EBF2: variants seen among roughly 807,000 people sequenced by gnomAD.
EBF2 encodes the protein transcription factor COE2.
In EBF2, 21 loss-of-function variants were observed where a neutral mutation model predicts 72.8. That is an observed-to-expected ratio of 0.29 (90% confidence interval 0.20 to 0.42). The LOEUF (loss-of-function observed/expected upper bound fraction) is 0.42, where lower values mean the gene tolerates loss of function less well. EBF2 is among the 10% of genes least tolerant of loss of function. The pLI is 1.00. For synonymous variants in EBF2, 299 were observed against 274.2 expected (o/e 1.09, Z -0.89); for missense variants, 637 against 731.2 (o/e 0.87, Z 1.49).
rs140774549 is a variant in EBF2, at chr8:26,007,980, T to C, written c.551+25105A>G. Among the ~76,000 whole-genome samples the C allele has an allele frequency of 9.4e-3, 1,421 of 151,736 alleles. 27 individuals carry two copies. The highest frequency in any genetic ancestry group is 0.033 in the African/African-American group (1,357 of 41,348). ...ATCACTGCATAGTTTCCAAGTGAAATAGTTTTAAATGTCCTACATTTGGGC... is the reference window on the plus strand; with the variant it reads ...ATCACTGCATAGTTTCCAAGTGAAACAGTTTTAAATGTCCTACATTTGGGC... On this transcript the variant is annotated intron_variant, in intron 6 of 15. Coordinates refer to ENST00000520164, the MANE Select transcript of EBF2 (RefSeq NM_022659.4).
chr8:25,870,648 C>G (rs1326573657), intron 10 of EBF2, among the ~76,000 whole-genome samples: 2 of 152,108 alleles, frequency 1.3e-5, no homozygotes, highest in African/African-American at 4.8e-5. Context: ...TTCTCCCAAC[C>G]AGATTGCAAA....
rs117380462 is a variant in EBF2, at chr8:25,846,600, C to G, written c.1697-1960G>C. Among the ~76,000 whole-genome samples, 300 of 152,272 alleles carry G rather than the reference C, an allele frequency of 2.0e-3. 2 individuals carry two copies. The highest frequency in any genetic ancestry group is 1.8e-3 in the Non-Finnish European group (122 of 68,012). ...ACTCAGGAAGCTGAGGTAAGAGAAT[C>G]TCTTATTGAGCCCAGGAGGTCAAGG... is the stretch of plus-strand genomic sequence containing the variant. On this transcript the variant is annotated intron_variant, in intron 15 of 15. Transcript: ENST00000520164.
chr8:25,994,977 T>C (rs1804600582), intron 6 of EBF2, among the ~76,000 whole-genome samples: 1 of 152,154 alleles, frequency 6.6e-6, no homozygotes, highest in South Asian at 2.1e-4. Flanking sequence ...GAATAAAATT[T>C]CAATTCCTTG....
intron 6 of EBF2, among the ~76,000 whole-genome samples, chr8:25,920,239 T>C (rs1180146260): frequency 6.6e-6 from 1 of 152,228 alleles, no homozygotes; most frequent in East Asian, 1.9e-4. Context: ...AGATTCCTCA[T>C]ATCCCGTTTT....
At chr8:26,038,648 A>C (rs1805545550) in intron 5 of EBF2, among the ~76,000 whole-genome samples, 1 of 152,226 alleles carries the variant, frequency 6.6e-6, no homozygotes, top group African/African-American at 2.4e-5. Context: ...ACATCTCAGA[A>C]CTGTATTTTC....
chr8:25,859,344 G>A (rs1802164467), intron 13 of EBF2, among the ~76,000 whole-genome samples: 1 of 152,148 alleles, frequency 6.6e-6, no homozygotes, highest in South Asian at 2.1e-4. Flanking sequence ...CCTCTCTGGG[G>A]CCACTTGTAT....
rs191885913 is a variant in EBF2 at position 25,869,945 on chromosome 8, C to G, written c.1010-7148G>C. Among the ~76,000 whole-genome samples the G allele has an allele frequency of 1.9e-4, 29 of 152,290 alleles. 1 individual carries two copies. The highest frequency in any genetic ancestry group is 1.5e-3 in the Admixed American group (23 of 15,294). On this transcript the variant is annotated intron_variant, in intron 10 of 15. Transcript: ENST00000520164. ...GGATCTGTGTCCTGCTTCTCTAACT[C>G]CAAAGCCTGTGCTCTTAACCTTTCC... is the stretch of plus-strand genomic sequence containing the variant.
intron 3 of EBF2, 129 bp from the exon 4 acceptor site, chr8:26,040,800 C>T (rs12544694): frequency 0.26 from 380,803 of 1,471,552 alleles, 51,641 homozygotes; most frequent in African/African-American, 0.4. Context: ...ACGGTGACCT[C>T]CCAATCCCCT....
intron 7 of EBF2, among the ~76,000 whole-genome samples, chr8:25,892,317 A>G (rs1476919382): frequency 6.6e-6 from 1 of 152,202 alleles, no homozygotes; most frequent in African/African-American, 2.4e-5. Context: ...ACAGAAAGTG[A>G]AGCCTCCAAA....
At chr8:25,909,604 AATC>A (rs1266193215) in intron 6 of EBF2, among the ~76,000 whole-genome samples, 23 of 152,214 alleles carry the variant, frequency 1.5e-4, no homozygotes, top group Admixed American at 4.6e-4. Flanking sequence ...AATAAGTAGA[AATC>A]AACAATGCTT....
intron 6 of EBF2, among the ~76,000 whole-genome samples, chr8:26,018,510 A>C (rs1385038617): frequency 6.7e-6 from 1 of 150,190 alleles, no homozygotes; most frequent in African/African-American, 2.4e-5. Context: ...AAAAAAAAAA[A>C]AAAAAAAAAA....
intron 6 of EBF2, among the ~76,000 whole-genome samples, chr8:26,005,254 TATATATA>T (rs1269835980): frequency 1.0e-4 from 3 of 29,778 alleles, no homozygotes; most frequent in African/African-American, 3.1e-4. Context: ...TACATTTTAT[TATATATA>T]ATATATAATA....
rs187366803 is a variant in EBF2 at position 25,910,759 on chromosome 8, G to A, written c.552-2204C>T. Reference sequence around the variant, plus strand: ...CTGAATTTGTAACCTACACAGCCCCGTGCACTCTGAGGACTTAGCACTGGG... The same window carrying A: ...CTGAATTTGTAACCTACACAGCCCCATGCACTCTGAGGACTTAGCACTGGG... On this transcript the variant is annotated intron_variant, in intron 6 of 15. Transcript: ENST00000520164. Among the ~76,000 whole-genome samples, 93 of 152,162 alleles carry A rather than the reference G, an allele frequency of 6.1e-4. 2 individuals are homozygous for A. In the East Asian group the frequency reaches 7.4e-3, roughly 12 times the overall value.
intron 10 of EBF2, among the ~76,000 whole-genome samples, chr8:25,870,728 T>C (rs1453161948): frequency 2.0e-5 from 3 of 152,312 alleles, no homozygotes; most frequent in Admixed American, 2.0e-4. Flanking sequence ...AAATTAGACA[T>C]GGCAGAGTAT....
At chr8:25,935,827 C>G (rs987231417) in intron 6 of EBF2, among the ~76,000 whole-genome samples, 1 of 152,176 alleles carries the variant, frequency 6.6e-6, no homozygotes, top group Non-Finnish European at 1.5e-5. Context: ...TGAGATTTAA[C>G]TGACAGTAGG....
At chr8:25,884,847 A>ACCTCTTT (rs1403173423) in intron 10 of EBF2, among the ~76,000 whole-genome samples, 2 of 152,172 alleles carry the variant, frequency 1.3e-5, no homozygotes, top group Non-Finnish European at 2.9e-5. Context: ...CCCAAAAATT[A>ACCTCTTT]CCTCTTTCCA....
At chr8:26,040,731 C>G in intron 3 of EBF2, 60 bp from the exon 4 acceptor site, 1 of 1,538,400 alleles carries the variant, frequency 6.5e-7, no homozygotes. Flanking sequence ...GCACCCCAAA[C>G]CCTTCTCTGC....
Position 26,040,625 on chromosome 8 carries a change from G to T in EBF2, c.399C>A (p.Val133=). Residue 133 remains valine, a synonymous_variant, in exon 4 of 16, where the codon GTC becomes GTA. Coordinates refer to ENST00000520164, the MANE Select transcript of EBF2 (RefSeq NM_022659.4). ...GTGGCCTCCGGCTCACCTGCTTGGT[G>T]ACCGAGTCGATGAGCCTGACATAGA... ...QDLYVRLIDS[V]TKQPIAYEGQ... The T allele has an allele frequency of 6.4e-7, 1 of 1,553,178 alleles. No individual in the cohort carries two copies. Among genetic ancestry groups the T allele is most frequent in the East Asian group, 2.4e-5 (1 of 41,092 alleles).
intron 8 of EBF2, among the ~76,000 whole-genome samples, chr8:25,888,886 T>C (rs981758530): frequency 5.3e-5 from 8 of 152,204 alleles, no homozygotes; most frequent in Admixed American, 3.9e-4. Context: ...CAAAAGAAAC[T>C]GGATGGGTTC....
Sources: allele counts gnomAD v4.1 joint callset (sites outside exome capture counted in the v4.1 genomes callset), GRCh38; gene constraint gnomAD v4.1.1; transcripts MANE v1.5; gene names NCBI Gene and HGNC (gene_info 2026-07-23, HGNC 2026-07-21).